The following SLC9A9 variants were observed in gnomAD, a reference collection of about 807,000 sequenced individuals.
SLC9A9 encodes the protein sodium/hydrogen exchanger 9.
Under a neutral mutation model 77.8 loss-of-function variants are expected in SLC9A9, and 62 were observed. The ratio of observed to expected loss-of-function variants is 0.80; its 90% confidence interval spans 0.65 to 0.98. The LOEUF (loss-of-function observed/expected upper bound fraction) is 0.98. Ranked by LOEUF, SLC9A9 falls within the 50% of genes least tolerant of loss-of-function variation. The pLI, the probability that SLC9A9 is intolerant of heterozygous loss-of-function variation, is 0.00. For missense variants in SLC9A9, 775 were observed against 774.9 expected, an observed-to-expected ratio of 1.00 and a Z score of 0.00; for synonymous variants, 320 against 283.5, an observed-to-expected ratio of 1.13 and a Z score of -1.29.
chr3:143,440,982 G>T (rs928714762), intron 12 of SLC9A9, among the ~76,000 whole-genome samples: 7 of 152,186 alleles, frequency 4.6e-5, no homozygotes, highest in Admixed American at 4.6e-4. Flanking sequence ...TTTCTGTGCT[G>T]TGCCCTTTCA....
At chr3:143,817,241 C>T (rs984516520) in intron 2 of SLC9A9, among the ~76,000 whole-genome samples, 5 of 150,532 alleles carry the variant, frequency 3.3e-5, no homozygotes, top group South Asian at 2.1e-4. Flanking sequence ...CTCCGCTTCC[C>T]AGGTTCACGC....
chr3:143,338,005 G>A (rs2031978901), intron 14 of SLC9A9, among the ~76,000 whole-genome samples: 1 of 152,168 alleles, frequency 6.6e-6, no homozygotes. Flanking sequence ...CTAATTAAGT[G>A]ACTTTTGTGT....
At chr3:143,669,306 CTTCCATCCTATACG>C (rs1335705681) in intron 5 of SLC9A9, among the ~76,000 whole-genome samples, 1 of 152,186 alleles carries the variant, frequency 6.6e-6, no homozygotes, top group East Asian at 1.9e-4. Flanking sequence ...ACTTTCAAAA[CTTCCATCCTATACG>C]TCTTTGAGCA....
intron 9 of SLC9A9, among the ~76,000 whole-genome samples, chr3:143,527,459 T>C (rs541810084): frequency 6.7e-4 from 102 of 152,366 alleles, no homozygotes; most frequent in African/African-American, 2.2e-3. Flanking sequence ...AGGTTGAGTT[T>C]GTTTTTTCAC....
At chr3:143,519,726 G>A (rs929687015) in intron 9 of SLC9A9, among the ~76,000 whole-genome samples, 3 of 152,062 alleles carry the variant, frequency 2.0e-5, no homozygotes, top group Admixed American at 6.5e-5. Flanking sequence ...GGGGCAATGG[G>A]GCGAGTGAGA....
chr3:143,340,294 A>G (rs553453944), intron 14 of SLC9A9, among the ~76,000 whole-genome samples: 20 of 152,324 alleles, frequency 1.3e-4, no homozygotes, highest in African/African-American at 4.1e-4. Context: ...TCAAAAGACA[A>G]TGCTCAACAC....
chr3:143,637,509 T>G (rs2038542785), intron 6 of SLC9A9, among the ~76,000 whole-genome samples: 1 of 152,222 alleles, frequency 6.6e-6, no homozygotes, highest in Non-Finnish European at 1.5e-5. Flanking sequence ...ATGATTTATA[T>G]TTCAAATTTC....
chr3:143,714,718 T>G (rs1444400085), intron 4 of SLC9A9, among the ~76,000 whole-genome samples: 1 of 152,222 alleles, frequency 6.6e-6, no homozygotes, highest in African/African-American at 2.4e-5. Flanking sequence ...CTGATCTATA[T>G]GGGCTCCATC....
At chr3:143,398,280 G>A (rs553103749) in intron 12 of SLC9A9, among the ~76,000 whole-genome samples, 2 of 152,260 alleles carry the variant, frequency 1.3e-5, no homozygotes, top group African/African-American at 4.8e-5. Context: ...TACAAGGCAA[G>A]GACTTGGGAG....
chr3:143,788,978 A>C (rs891451619), intron 4 of SLC9A9, among the ~76,000 whole-genome samples: 2 of 152,306 alleles, frequency 1.3e-5, no homozygotes, highest in Admixed American at 6.5e-5. Flanking sequence ...ATGTTATTTC[A>C]TACTTACTAG....
intron 5 of SLC9A9, among the ~76,000 whole-genome samples, chr3:143,678,173 T>A (rs543143754): frequency 1.3e-5 from 2 of 152,354 alleles, no homozygotes; most frequent in African/African-American, 4.8e-5. Flanking sequence ...ACTTCCAGAT[T>A]GTCATTTTAA....
chr3:143,611,196 C>G (rs1053504017), intron 6 of SLC9A9, among the ~76,000 whole-genome samples: 4 of 151,950 alleles, frequency 2.6e-5, no homozygotes, highest in Non-Finnish European at 4.4e-5. Flanking sequence ...TTGGGGAAAT[C>G]TTCCACAAAA....
chr3:143,666,473 C>T (rs549288852), intron 5 of SLC9A9, among the ~76,000 whole-genome samples: 24 of 152,152 alleles, frequency 1.6e-4, no homozygotes, highest in Non-Finnish European at 2.1e-4. Flanking sequence ...TAGTGTTGGA[C>T]GTTCTGGCAA....
chr3:143,413,723 G>T (rs1200822718), intron 12 of SLC9A9, among the ~76,000 whole-genome samples: 1 of 152,012 alleles, frequency 6.6e-6, no homozygotes, highest in Non-Finnish European at 1.5e-5. Flanking sequence ...CCATTTTCTT[G>T]CTGTTGCTCT....
intron 14 of SLC9A9, among the ~76,000 whole-genome samples, chr3:143,300,013 TG>T (rs1249883896): frequency 6.6e-6 from 1 of 152,214 alleles, no homozygotes; most frequent in Non-Finnish European, 1.5e-5. Context: ...TTCTCTATAG[TG>T]GGTGGCCATC....
At chr3:143,386,433 C>A (rs2033427807) in intron 12 of SLC9A9, among the ~76,000 whole-genome samples, 1 of 152,206 alleles carries the variant, frequency 6.6e-6, no homozygotes, top group African/African-American at 2.4e-5. Context: ...GTGGCTCTGC[C>A]TCTCACTTGC....
At chr3:143,339,793 T>C (rs2032041748) in intron 14 of SLC9A9, among the ~76,000 whole-genome samples, 3 of 152,174 alleles carry the variant, frequency 2.0e-5, no homozygotes, top group Admixed American at 1.3e-4. Context: ...TTCTGATCAT[T>C]AGGTTCATGT....
At chr3:143,396,427 C>T (rs1337439250) in intron 12 of SLC9A9, among the ~76,000 whole-genome samples, 2 of 152,148 alleles carry the variant, frequency 1.3e-5, no homozygotes, top group East Asian at 1.9e-4. Context: ...AGCGGAACAT[C>T]ACACACAGCC....
intron 6 of SLC9A9, among the ~76,000 whole-genome samples, chr3:143,613,826 C>T (rs771478830): frequency 6.6e-6 from 1 of 151,828 alleles, no homozygotes; most frequent in Non-Finnish European, 1.5e-5. Context: ...CTTTCTACTG[C>T]TAAATTGCTT....
Sources: allele counts gnomAD v4.1 joint callset (sites outside exome capture counted in the v4.1 genomes callset), GRCh38; gene constraint gnomAD v4.1.1; transcripts MANE v1.5; gene names NCBI Gene and HGNC (gene_info 2026-07-23, HGNC 2026-07-21).